Variants in KLHL1 observed in about 807,000 individuals in gnomAD.
KLHL1 encodes the protein kelch-like protein 1.
In KLHL1, 47 loss-of-function variants were observed where a neutral mutation model predicts 77.7. That is an observed-to-expected ratio of 0.60 (90% CI 0.48 to 0.77). KLHL1 has a LOEUF of 0.77. KLHL1 is among the 30% of genes least tolerant of loss of function. The probability of loss-of-function intolerance (pLI) is 0.00; values close to 1 mark genes in which losing one functional copy is unlikely to be tolerated. For missense variants in KLHL1, 925 were observed against 910.8 expected (o/e 1.02, Z -0.20); for synonymous variants, 360 against 325.2 (o/e 1.11, Z -1.15).
At chr13:70,019,331 G>A (rs189653603) in intron 1 of KLHL1, among the ~76,000 whole-genome samples, 6 of 149,472 alleles carry the variant, frequency 4.0e-5, no homozygotes, top group South Asian at 4.3e-4. Flanking sequence ...CTGAATGCGG[G>A]AGGAAGAAGA....
chr13:70,068,514 G>T (rs1401892271), intron 1 of KLHL1, among the ~76,000 whole-genome samples: 1 of 152,076 alleles, frequency 6.6e-6, no homozygotes, highest in East Asian at 1.9e-4. Context: ...CAGACCCAAA[G>T]TTAAGTTTCA....
At chr13:70,073,650 A>G (rs1037096550) in intron 1 of KLHL1, among the ~76,000 whole-genome samples, 2 of 151,884 alleles carry the variant, frequency 1.3e-5, no homozygotes, top group African/African-American at 4.8e-5. Context: ...GGTGGTGTGC[A>G]CCTGTGTTCT....
At chr13:69,896,962 G>C (rs2138219400) in intron 4 of KLHL1, among the ~76,000 whole-genome samples, 1 of 152,184 alleles carries the variant, frequency 6.6e-6, no homozygotes, top group East Asian at 1.9e-4. Flanking sequence ...GAGCCACTGT[G>C]CCCGGCCTGT....
At chr13:69,721,489 G>A (rs563344359) in intron 8 of KLHL1, among the ~76,000 whole-genome samples, 85 of 151,690 alleles carry the variant, frequency 5.6e-4, no homozygotes, top group South Asian at 1.0e-3. Context: ...TTTTGGGTTC[G>A]CAGATGAAAT....
intron 1 of KLHL1, among the ~76,000 whole-genome samples, chr13:70,063,295 C>A (rs570477147): frequency 1.3e-5 from 2 of 152,188 alleles, no homozygotes; most frequent in East Asian, 3.9e-4. Flanking sequence ...GGAGCCCCTC[C>A]ACAGACTGCA....
At chr13:69,703,628 C>A (rs1875498789) in intron 10 of KLHL1, among the ~76,000 whole-genome samples, 1 of 151,640 alleles carries the variant, frequency 6.6e-6, no homozygotes, top group Non-Finnish European at 1.5e-5. Flanking sequence ...AGGGCAATTT[C>A]TAGTCCTGCA....
At chr13:69,984,055 G>C (rs934776732) in intron 1 of KLHL1, among the ~76,000 whole-genome samples, 9 of 152,232 alleles carry the variant, frequency 5.9e-5, no homozygotes, top group African/African-American at 2.2e-4. Context: ...AAAATTATTA[G>C]AGGTAAACAT....
intron 1 of KLHL1, among the ~76,000 whole-genome samples, chr13:69,986,964 T>C (rs2137307292): frequency 6.6e-6 from 1 of 151,824 alleles, no homozygotes; most frequent in African/African-American, 2.4e-5. Flanking sequence ...CAACAGTAAA[T>C]AATATTTTAT....
chr13:69,981,167 G>A (rs554684117), intron 1 of KLHL1, among the ~76,000 whole-genome samples: 4 of 152,146 alleles, frequency 2.6e-5, no homozygotes, highest in African/African-American at 7.2e-5. Flanking sequence ...GCTGTAACCA[G>A]AATACATACT....
intron 7 of KLHL1, among the ~76,000 whole-genome samples, chr13:69,773,863 C>CTATATATATATATATATATATATATATA (rs72007331): frequency 6.9e-6 from 1 of 145,972 alleles, no homozygotes; most frequent in African/African-American, 2.5e-5. Flanking sequence ...AAGTCCTTGG[C>CTATATATATATATATATATATATATATA]TATATATATA....
At chr13:69,816,520 C>A (rs1165205324) in intron 6 of KLHL1, among the ~76,000 whole-genome samples, 1 of 151,924 alleles carries the variant, frequency 6.6e-6, no homozygotes, top group Non-Finnish European at 1.5e-5. Flanking sequence ...CCGCCTAGGC[C>A]TCCTAAAGTG....
At chr13:69,860,527 CAA>C (rs1227925859) in intron 5 of KLHL1, among the ~76,000 whole-genome samples, 2 of 151,718 alleles carry the variant, frequency 1.3e-5, no homozygotes, top group Non-Finnish European at 2.9e-5. Context: ...TTCATGAATC[CAA>C]AGTCTTAAAT....
intron 1 of KLHL1, among the ~76,000 whole-genome samples, chr13:69,991,349 A>G (rs1211586382): frequency 1.3e-5 from 2 of 152,046 alleles, no homozygotes; most frequent in East Asian, 1.9e-4. Context: ...AAAGCACACA[A>G]AAGAACAGAT....
At chr13:69,784,826 C>T (rs1438663911) in intron 7 of KLHL1, among the ~76,000 whole-genome samples, 1 of 150,576 alleles carries the variant, frequency 6.6e-6, no homozygotes, top group Non-Finnish European at 1.5e-5. Flanking sequence ...AGCTCTGCAC[C>T]AAGCGGACCT....
Position 70,055,525 on chromosome 13 carries a change from G to C in KLHL1, c.497+51678C>G, listed in dbSNP as rs1948415636. Among the ~76,000 whole-genome samples the C allele has an allele frequency of 3.3e-5, 5 of 152,000 alleles. 1 individual carries two copies. On this transcript the variant is annotated intron_variant, in intron 1 of 10. Coordinates refer to ENST00000377844, the MANE Select transcript of KLHL1 (RefSeq NM_020866.3). ...AATACACAGACAAATACAAAATATT[G>C]TAACACTAAGATTGCATTAACTAGT...
At chr13:69,812,185 T>G (rs1167701931) in intron 6 of KLHL1, among the ~76,000 whole-genome samples, 1 of 152,214 alleles carries the variant, frequency 6.6e-6, no homozygotes, top group Non-Finnish European at 1.5e-5. Flanking sequence ...AGTAGCAGGT[T>G]GTTCAGTTTC....
chr13:70,089,025 T>A lies in KLHL1; in HGVS notation c.497+18178A>T, dbSNP rs567818612. ...ATCAGAAAACCCAGCAGGGCAGTAA[T>A]CATGTGAGTTTACTAGCCAGTGACT... On this transcript the variant is annotated intron_variant, in intron 1 of 10. Coordinates refer to ENST00000377844, the MANE Select transcript of KLHL1 (RefSeq NM_020866.3). Among the ~76,000 whole-genome samples the A allele has an allele frequency of 1.1e-3, 168 of 152,238 alleles. 1 individual carries two copies. Among genetic ancestry groups the A allele is most frequent in the Non-Finnish European group, 1.9e-3 (129 of 68,022 alleles).
intron 6 of KLHL1, among the ~76,000 whole-genome samples, chr13:69,798,791 T>C (rs1566267179): frequency 6.6e-6 from 1 of 152,054 alleles, no homozygotes; most frequent in East Asian, 1.9e-4. Context: ...ACAGATGGCC[T>C]GGTGTGTGGC....
chr13:69,850,303 G>T (rs1477084595), intron 5 of KLHL1, among the ~76,000 whole-genome samples: 1 of 151,384 alleles, frequency 6.6e-6, no homozygotes, highest in Non-Finnish European at 1.5e-5. Flanking sequence ...AACTATTTAA[G>T]CTACTTCAAA....
Sources: allele counts gnomAD v4.1 joint callset (sites outside exome capture counted in the v4.1 genomes callset), GRCh38; gene constraint gnomAD v4.1.1; transcripts MANE v1.5; gene names NCBI Gene and HGNC (gene_info 2026-07-23, HGNC 2026-07-21).